Variants in RNF220 observed in about 807,000 individuals in gnomAD.
RNF220 encodes ring finger protein 220, also known as E3 ubiquitin-protein ligase RNF220.
Under a neutral mutation model 67.1 loss-of-function variants are expected in RNF220, and 7 were observed. That is an observed-to-expected ratio of 0.10 (90% confidence interval 0.06 to 0.20). RNF220 has a LOEUF of 0.20. RNF220 is among the 10% of genes least tolerant of loss of function. The pLI, the probability that RNF220 is intolerant of heterozygous loss-of-function variation, is 1.00. For missense variants in RNF220, 565 were observed against 740.3 expected (o/e 0.76, Z 2.75); for synonymous variants, 270 against 283.2 (o/e 0.95, Z 0.47).
rs1219538078 is a variant in RNF220 at position 44,624,582 on chromosome 1, C to T, written c.805-1715C>T. On this transcript the variant is annotated intron_variant, in intron 4 of 14. Coordinates refer to ENST00000361799, the MANE Select transcript of RNF220 (RefSeq NM_018150.4). The surrounding 1 kb of genome is among the most constrained non-coding windows in gnomAD (Gnocchi z 4.2). ...CAAAGCTGAATAGTTCAGGGTCTAT[C>T]CTCTGCCTTGACCTAGGCTTTAGGG... Among the ~76,000 whole-genome samples, 1 of 152,110 alleles carries T rather than the reference C, an allele frequency of 6.6e-6. No individual in the cohort carries two copies. The highest frequency in any genetic ancestry group is 1.5e-5 in the Non-Finnish European group (1 of 68,032).
intron 8 of RNF220, chr1:44,644,128 A>G (rs1401901930): frequency 1.3e-5 from 2 of 155,452 alleles, no homozygotes; most frequent in African/African-American, 4.8e-5. Flanking sequence ...TGAGGTGGAG[A>G]TGAATAATTA....
At chr1:44,423,841 G>C (rs1649469464) in intron 2 of RNF220, 1 of 985,250 alleles carries the variant, frequency 1.0e-6, no homozygotes, top group Non-Finnish European at 1.2e-6. Flanking sequence ...ACTTTCGCGA[G>C]GGAGGTTAGG....
intron 9 of RNF220, 30 bp from the exon 10 acceptor site, chr1:44,644,965 A>G: frequency 6.6e-7 from 1 of 1,520,188 alleles, no homozygotes; most frequent in Non-Finnish European, 9.1e-7. Flanking sequence ...GCTGCAAACT[A>G]GGATCCATTG....
intron 2 of RNF220, among the ~76,000 whole-genome samples, chr1:44,542,662 A>AC (rs1375143751): frequency 3.3e-5 from 5 of 152,130 alleles, no homozygotes; most frequent in African/African-American, 1.2e-4. Context: ...CTTCAGGGTG[A>AC]TCCGTAACTC....
At chr1:44,449,836 G>C (rs146726342) in intron 2 of RNF220, among the ~76,000 whole-genome samples, 1 of 152,196 alleles carries the variant, frequency 6.6e-6, no homozygotes, top group Non-Finnish European at 1.5e-5. Flanking sequence ...ATCAGTTTCT[G>C]TATCTGTAGA....
rs1249632962 is a variant in RNF220, at chr1:44,412,618, C to T, written c.521C>T (p.Pro174Leu). 6.2e-7 allele frequency: 1 copy of T among 1,614,080 alleles called. No individual in the cohort carries two copies. Among genetic ancestry groups the T allele is most frequent in the Admixed American group, 1.7e-5 (1 of 60,010 alleles). Residue 174 changes from proline to leucine, a missense_variant, in exon 2 of 15, where the codon CCC (proline) becomes CTC (leucine). Pro to Leu is a moderately conservative substitution (Grantham distance 98). Transcript: ENST00000361799. This position sits in a 1 kb window ranked among gnomAD's most constrained non-coding sequence, Gnocchi z 5.3. ...GGGACACAGCTGCCATCTAGCTCCC[C>T]CGGTTCACTAAAGGTTGATGACACT... Reference protein sequence around the residue: ...DFGTQLPSSSPGSLKVDDTGK... With the variant: ...DFGTQLPSSSLGSLKVDDTGK...
intron 2 of RNF220, among the ~76,000 whole-genome samples, chr1:44,601,796 T>G (rs1051506116): frequency 6.6e-6 from 1 of 152,132 alleles, no homozygotes; most frequent in Non-Finnish European, 1.5e-5. Context: ...AAGGATTGTT[T>G]AGTGGTGCTG....
At chr1:44,549,092 C>T (rs990573143) in intron 2 of RNF220, among the ~76,000 whole-genome samples, 13 of 152,232 alleles carry the variant, frequency 8.5e-5, no homozygotes, top group African/African-American at 2.9e-4. Context: ...GAGGCTGAGA[C>T]ACGAGAATCA....
intron 1 of RNF220, 51 bp downstream of exon 1, chr1:44,405,581 G>T: frequency 3.1e-6 from 1 of 323,776 alleles, no homozygotes; most frequent in Non-Finnish European, 5.6e-6. Context: ...CAAGAGGGGT[G>T]GGTGCGAGGG....
At chr1:44,511,916 C>CGTGTGTGT (rs71728249) in intron 2 of RNF220, among the ~76,000 whole-genome samples, 20,927 of 147,682 alleles carry the variant, frequency 0.14, 1,576 homozygotes, top group Non-Finnish European at 0.17. Flanking sequence ...CGTGTGTGTG[C>CGTGTGTGT]GTGTGTGTGT....
intron 2 of RNF220, 92 bp from the exon 3 acceptor site, chr1:44,614,070 GGCA>G (rs775246668): frequency 3.9e-5 from 60 of 1,545,706 alleles, no homozygotes; most frequent in Non-Finnish European, 5.2e-5. Context: ...AGCCCTAGAG[GGCA>G]GCAGCAGGCT....
intron 3 of RNF220, 131 bp downstream of exon 3, chr1:44,614,428 C>T (rs568379467): frequency 2.3e-5 from 23 of 982,940 alleles, no homozygotes; most frequent in Non-Finnish European, 3.4e-5. Context: ...CACCCTTCTC[C>T]ACAACTCTGT....
chr1:44,630,149 G>T (rs924554263), intron 5 of RNF220, among the ~76,000 whole-genome samples: 1 of 152,170 alleles, frequency 6.6e-6, no homozygotes, highest in Non-Finnish European at 1.5e-5. Context: ...TATTGCCCAG[G>T]CTGGTCTTGA....
chr1:44,457,893 G>T (rs976904401), intron 2 of RNF220, among the ~76,000 whole-genome samples: 2 of 152,102 alleles, frequency 1.3e-5, no homozygotes, highest in African/African-American at 4.8e-5. Flanking sequence ...ATCAAGTGTG[G>T]AGTCCTTGAT....
intron 2 of RNF220, among the ~76,000 whole-genome samples, chr1:44,427,000 A>G (rs1339322095): frequency 1.3e-5 from 2 of 152,222 alleles, no homozygotes; most frequent in Admixed American, 1.3e-4. Context: ...AGAAGAACAT[A>G]GTATCACTCC....
At chr1:44,516,762 T>C (rs1335084211) in intron 2 of RNF220, among the ~76,000 whole-genome samples, 2 of 152,172 alleles carry the variant, frequency 1.3e-5, no homozygotes, top group South Asian at 4.1e-4. Flanking sequence ...AGTCAATGTG[T>C]TTCAGAGAGA....
intron 12 of RNF220, among the ~76,000 whole-genome samples, chr1:44,646,314 T>A (rs1644645340): frequency 6.6e-6 from 1 of 152,260 alleles, no homozygotes; most frequent in Non-Finnish European, 1.5e-5. Context: ...TTTGTTTCCC[T>A]CCATTTTGTG....
chr1:44,605,582 T>G (rs932418929), intron 2 of RNF220, among the ~76,000 whole-genome samples: 1 of 152,178 alleles, frequency 6.6e-6, no homozygotes, highest in African/African-American at 2.4e-5. Context: ...TCAATAAATT[T>G]ATAATCTAAA....
intron 2 of RNF220, chr1:44,572,909 C>T (rs1395413310): frequency 3.7e-6 from 1 of 273,296 alleles, no homozygotes; most frequent in East Asian, 1.4e-4. Context: ...ACCAAGTAAA[C>T]AATGAAGGGA....
Sources: allele counts gnomAD v4.1 joint callset (sites outside exome capture counted in the v4.1 genomes callset), GRCh38; gene constraint gnomAD v4.1.1; non-coding constraint Gnocchi (gnomAD v3.1); transcripts MANE v1.5; gene names NCBI Gene and HGNC (gene_info 2026-07-23, HGNC 2026-07-21).